The following NEXMIF variants were observed in gnomAD, a reference collection of about 807,000 sequenced individuals.
NEXMIF encodes XLMR protein related to neurite extension.
NEXMIF carries 8 observed loss-of-function variants against 62.1 expected under a neutral mutation model. The ratio of observed to expected loss-of-function variants is 0.13; its 90% CI spans 0.08 to 0.23. The LOEUF (loss-of-function observed/expected upper bound fraction) is 0.23. Ranked by LOEUF, NEXMIF falls within the 10% of genes least tolerant of loss-of-function variation. The probability of loss-of-function intolerance (pLI) is 1.00; values close to 1 mark genes in which losing one functional copy is unlikely to be tolerated. For missense variants in NEXMIF, 976 were observed against 1,113.3 expected (o/e 0.88, Z 1.75); for synonymous variants, 404 against 416.6 (o/e 0.97, Z 0.37).
intron 1 of NEXMIF, among the ~76,000 whole-genome samples, chrX:74,909,075 G>C (rs1373389097): frequency 9.0e-6 from 1 of 111,317 alleles, no homozygotes; most frequent in Non-Finnish European, 1.9e-5. Flanking sequence ...CATGAAAATG[G>C]ACCAATACAG....
At chrX:74,781,537 C>G (rs1278477853) in intron 1 of NEXMIF, among the ~76,000 whole-genome samples, 1 of 112,012 alleles carries the variant, frequency 8.9e-6, no homozygotes, top group African/African-American at 3.3e-5. Flanking sequence ...GAAATTTATA[C>G]TAAGATTTTC....
intron 1 of NEXMIF, among the ~76,000 whole-genome samples, chrX:74,795,029 C>T (rs1477614160): frequency 2.7e-5 from 3 of 112,025 alleles, no homozygotes; most frequent in Non-Finnish European, 3.8e-5. Context: ...TTTCCGTCCA[C>T]ATGGAATATG....
intron 1 of NEXMIF, among the ~76,000 whole-genome samples, chrX:74,750,510 G>T (rs962194732): frequency 1.8e-5 from 2 of 111,956 alleles, no homozygotes; most frequent in Admixed American, 1.9e-4. Flanking sequence ...GAATCTTCAG[G>T]TTGGGTTAGG....
intron 1 of NEXMIF, among the ~76,000 whole-genome samples, chrX:74,886,771 A>C (rs2080695590): frequency 9.2e-6 from 1 of 108,942 alleles, no homozygotes; most frequent in Non-Finnish European, 1.9e-5. Context: ...GCTACCAATG[A>C]CTTTCTTCAC....
In NEXMIF at chrX:74,743,862, T is replaced by A; in HGVS notation, c.695A>T (p.Gln232Leu). ...KPDIDLEDPA[Q>L]KSYYEALLLD... ...CAGTAATGCCTCATAATAGCTTTTCTGAGCCGGATCCTCCAAGTCAATGTC... is the reference window on the plus strand; with the variant it reads ...CAGTAATGCCTCATAATAGCTTTTCAGAGCCGGATCCTCCAAGTCAATGTC... The change falls in exon 3 of 4, where the codon CAG (glutamine) becomes CTG (leucine). Residue 232 changes from glutamine to leucine, a missense_variant. By Grantham distance (113) the Gln-to-Leu change is moderately radical (BLOSUM62 -2). Transcript: ENST00000055682. 8.3e-7 allele frequency: 1 copy of A among 1,211,918 alleles called. No individual in the cohort carries two copies. Among genetic ancestry groups the A allele is most frequent in the Non-Finnish European group, 1.1e-6 (1 of 895,574 alleles).
chrX:74,875,602 C>T (rs777290618), intron 1 of NEXMIF, among the ~76,000 whole-genome samples: 8 of 111,539 alleles, frequency 7.2e-5, no homozygotes, highest in Non-Finnish European at 1.5e-4. Flanking sequence ...TGGTAGAGTT[C>T]GGCTGTGAAT....
In NEXMIF at chrX:74,742,287, G is replaced by A. The variant is rs1375877021; in HGVS notation, c.2270C>T (p.Ala757Val). ...AGGAATAACTTCATTCTTTAAATTA[G>A]CCTTTGAGGATTGGTTTTCCAAGAG... ...SPLLENQSSK[A>V]NLKNEVIPGT... Residue 757 changes from alanine (A) to valine (V), a missense_variant, in exon 3 of 4, where the codon GCT (alanine) becomes GTT (valine). Coordinates refer to ENST00000055682, the MANE Select transcript of NEXMIF (RefSeq NM_001008537.3). 3 of 1,210,075 alleles carry A rather than the reference G, an allele frequency of 2.5e-6. No homozygotes were observed. The African/African-American group carries it at 5.2e-5, about 21-fold the overall frequency.
At chrX:74,759,288 A>G (rs1400319972) in intron 1 of NEXMIF, among the ~76,000 whole-genome samples, 9 of 111,802 alleles carry the variant, frequency 8.0e-5, no homozygotes, top group African/African-American at 2.9e-4. Flanking sequence ...TGGATATTAG[A>G]CCTTTGTCGA....
intron 1 of NEXMIF, among the ~76,000 whole-genome samples, chrX:74,855,065 A>T (rs774329528): frequency 1.1e-4 from 12 of 112,116 alleles, no homozygotes; most frequent in South Asian, 3.7e-4. Flanking sequence ...TGGAAAAAAA[A>T]CCCTAAAATT....
At chrX:74,923,776 A>G (rs979466829) in intron 1 of NEXMIF, among the ~76,000 whole-genome samples, 1 of 112,413 alleles carries the variant, frequency 8.9e-6, no homozygotes, top group Non-Finnish European at 1.9e-5. Flanking sequence ...TGCCAGCCCT[A>G]CAACACAAAT....
chrX:74,883,287 C>G (rs771676476), intron 1 of NEXMIF, among the ~76,000 whole-genome samples: 23 of 111,859 alleles, frequency 2.1e-4, no homozygotes, highest in African/African-American at 6.5e-4. Flanking sequence ...ACGGAAGAAG[C>G]TGGATGGAGA....
chrX:74,786,287 CTGAT>C (rs750364284), intron 1 of NEXMIF, among the ~76,000 whole-genome samples: 5 of 111,931 alleles, frequency 4.5e-5, no homozygotes, highest in East Asian at 2.8e-4. Flanking sequence ...GAAAAGAAGA[CTGAT>C]TGTCTATGCA....
intron 1 of NEXMIF, among the ~76,000 whole-genome samples, chrX:74,895,849 AC>A (rs1252214947): frequency 9.1e-6 from 1 of 109,420 alleles, no homozygotes; most frequent in Non-Finnish European, 1.9e-5. Flanking sequence ...AAAAAAAAAA[AC>A]ATAGAATGAA....
intron 1 of NEXMIF, among the ~76,000 whole-genome samples, chrX:74,893,637 T>A (rs1400321275): frequency 4.8e-4 from 54 of 112,647 alleles, no homozygotes; most frequent in African/African-American, 1.7e-3. Context: ...AAAAACTCTA[T>A]TTAGGCAAGT....
intron 1 of NEXMIF, among the ~76,000 whole-genome samples, chrX:74,780,545 T>G (rs2080243419): frequency 9.2e-6 from 1 of 108,383 alleles, no homozygotes; most frequent in Non-Finnish European, 1.9e-5. Flanking sequence ...ATTTTTTTTT[T>G]TTTGTATTTT....
At chrX:74,778,008 T>C (rs920541084) in intron 1 of NEXMIF, among the ~76,000 whole-genome samples, 2 of 111,566 alleles carry the variant, frequency 1.8e-5, no homozygotes, top group African/African-American at 6.5e-5. Context: ...ACAGCTCTGA[T>C]TGGACAGAGG....
intron 1 of NEXMIF, among the ~76,000 whole-genome samples, chrX:74,794,779 G>T (rs2080300504): frequency 9.0e-6 from 1 of 111,642 alleles, no homozygotes; most frequent in Non-Finnish European, 1.9e-5. Flanking sequence ...CTCGGAAAGG[G>T]AACTCCCTGA....
intron 1 of NEXMIF, among the ~76,000 whole-genome samples, chrX:74,814,533 T>C (rs1248077669): frequency 8.9e-6 from 1 of 111,827 alleles, no homozygotes; most frequent in Non-Finnish European, 1.9e-5. Context: ...TGCTATTTCC[T>C]GGGGGAAACA....
chrX:74,797,822 C>T lies in NEXMIF; in HGVS notation c.-47-52125G>A, dbSNP rs759712754. Among the ~76,000 whole-genome samples, 3 of 111,789 alleles carry T rather than the reference C, an allele frequency of 2.7e-5. No homozygotes were observed. In the Admixed American group the frequency reaches 2.9e-4, roughly 11 times the overall value. Reference sequence around the variant, plus strand: ...AAACCAGCTGCTTTACCAAGCTCAACGTAGAATGTTCCATGTGAATTCCAA... The same window carrying T: ...AAACCAGCTGCTTTACCAAGCTCAATGTAGAATGTTCCATGTGAATTCCAA... On this transcript the variant is annotated intron_variant, in intron 1 of 3. Coordinates refer to ENST00000055682, the MANE Select transcript of NEXMIF (RefSeq NM_001008537.3).
Sources: allele counts gnomAD v4.1 joint callset (sites outside exome capture counted in the v4.1 genomes callset), GRCh38; gene constraint gnomAD v4.1.1; transcripts MANE v1.5; gene names NCBI Gene and HGNC (gene_info 2026-07-23, HGNC 2026-07-21).